Variants in PLCH1 observed in about 807,000 individuals in gnomAD.
PLCH1 encodes the protein phospholipase C eta 1, also known as 1-phosphatidylinositol 4,5-bisphosphate phosphodiesterase eta-1.
A neutral mutation model predicts 126.7 loss-of-function variants in PLCH1; 60 were observed. The ratio of observed to expected loss-of-function variants is 0.47; its 90% CI spans 0.38 to 0.59. PLCH1 has a LOEUF of 0.59. Ranked by LOEUF, PLCH1 falls within the 20% of genes least tolerant of loss-of-function variation. The probability of loss-of-function intolerance (pLI) is 0.00; values close to 1 mark genes in which losing one functional copy is unlikely to be tolerated. For missense variants in PLCH1, 1,723 were observed against 2,040.0 expected, an observed-to-expected ratio of 0.84 and a Z score of 2.99; for synonymous variants, 719 against 734.9, an observed-to-expected ratio of 0.98 and a Z score of 0.35.
intron 12 of PLCH1, among the ~76,000 whole-genome samples, chr3:155,513,732 T>A (rs1719925324): frequency 6.6e-6 from 1 of 152,208 alleles, no homozygotes; most frequent in Admixed American, 6.5e-5. Flanking sequence ...CAGTATTCCA[T>A]CTGCCCCTCT....
chr3:155,586,204 G>C lies in PLCH1; in HGVS notation c.471-10C>G, dbSNP rs1319376482. The C allele has an allele frequency of 6.2e-7, 1 of 1,613,770 alleles. No individual in the cohort carries two copies. The highest frequency in any genetic ancestry group is 1.3e-5 in the African/African-American group (1 of 74,898). On this transcript the variant is annotated splice_polypyrimidine_tract_variant and intron_variant, in intron 4 of 22. Coordinates refer to ENST00000460012, the MANE Select transcript of PLCH1 (RefSeq NM_014996.4). ...GGTCTGCTTCACCCATGTGCAGAAA[G>C]GTCAAAGAAAACACCTGTGCTCTCA...
chr3:155,742,503 C>T (rs1749709328), intron 1 of PLCH1: 1 of 152,136 alleles, frequency 6.6e-6, no homozygotes, highest in African/African-American at 2.4e-5. Context: ...TTGCCTCTCC[C>T]CAGCCTCCCC....
chr3:155,526,370 G>GCTCT (rs576894112), intron 10 of PLCH1, among the ~76,000 whole-genome samples: 4 of 147,304 alleles, frequency 2.7e-5, no homozygotes, highest in Non-Finnish European at 4.5e-5. Flanking sequence ...CTTTCCTGGA[G>GCTCT]CTCTCTCTCT....
intron 1 of PLCH1, among the ~76,000 whole-genome samples, chr3:155,735,830 A>G (rs970516505): frequency 2.0e-5 from 3 of 152,240 alleles, no homozygotes; most frequent in African/African-American, 7.2e-5. Flanking sequence ...TTATATGCTG[A>G]TATATAATGA....
rs181702024 is a variant in PLCH1 at position 155,743,594 on chromosome 3, T to C, written c.-41+1246A>G. On this transcript the variant is annotated intron_variant, in intron 1 of 22. Transcript: ENST00000460012. The stretch of plus-strand genomic sequence containing the variant: ...GAAAACTGGCTTCTGTTAAGGCTTC[T>C]TGAAGCATTCTCTGCAGAAGACTTT... 24 of 446,464 alleles carry C rather than the reference T, an allele frequency of 5.4e-5. No homozygotes were observed. In the East Asian group the frequency reaches 1.5e-3, roughly 29 times the overall value. The allele number at this position is 446,464 out of a possible 1,614,324, so 27.7% of individuals were successfully genotyped here.
intron 8 of PLCH1, among the ~76,000 whole-genome samples, chr3:155,556,728 A>C (rs1726864512): frequency 6.6e-6 from 1 of 152,210 alleles, no homozygotes; most frequent in South Asian, 2.1e-4. Flanking sequence ...GACTGAGGTT[A>C]CCCTTCAAGG....
chr3:155,524,497 AT>A (rs1424448677), intron 10 of PLCH1, among the ~76,000 whole-genome samples: 1 of 152,248 alleles, frequency 6.6e-6, no homozygotes, highest in Non-Finnish European at 1.5e-5. Flanking sequence ...TTTTACTACA[AT>A]TAAAAATCAT....
At chr3:155,679,295 T>C (rs1744325750) in intron 2 of PLCH1, among the ~76,000 whole-genome samples, 1 of 152,228 alleles carries the variant, frequency 6.6e-6, no homozygotes, top group South Asian at 2.1e-4. Context: ...TTTTTCTTGC[T>C]AAATCTGACA....
At chr3:155,505,200 C>A (rs1041562583) in intron 12 of PLCH1, among the ~76,000 whole-genome samples, 1 of 152,096 alleles carries the variant, frequency 6.6e-6, no homozygotes, top group African/African-American at 2.4e-5. Context: ...TTTATGTGTT[C>A]GTTGAAATAA....
chr3:155,737,231 C>CAAAAA (rs557369057), intron 1 of PLCH1, among the ~76,000 whole-genome samples: 1 of 59,532 alleles, frequency 1.7e-5, no homozygotes, highest in African/African-American at 5.7e-5. Context: ...GCCTCCGTCT[C>CAAAAA]AAAAAAAAAA....
At chr3:155,673,299 T>C (rs1577296980) in intron 2 of PLCH1, among the ~76,000 whole-genome samples, 1 of 152,090 alleles carries the variant, frequency 6.6e-6, no homozygotes. Flanking sequence ...ATTACAGTAA[T>C]ATAAGCATGT....
chr3:155,719,335 GA>G (rs1042035129), intron 1 of PLCH1, among the ~76,000 whole-genome samples: 6 of 151,888 alleles, frequency 4.0e-5, no homozygotes, highest in Non-Finnish European at 8.8e-5. Flanking sequence ...TTGGACACAG[GA>G]AGGGGAACAT....
At chr3:155,522,446 A>G (rs1479373493) in intron 11 of PLCH1, among the ~76,000 whole-genome samples, 1 of 152,224 alleles carries the variant, frequency 6.6e-6, no homozygotes, top group Non-Finnish European at 1.5e-5. Context: ...AGAGAAGAAT[A>G]CAGATAGTAA....
At chr3:155,730,099 G>A (rs1213339501) in intron 1 of PLCH1, among the ~76,000 whole-genome samples, 1 of 152,044 alleles carries the variant, frequency 6.6e-6, no homozygotes, top group African/African-American at 2.4e-5. Context: ...AAAGGCAGCA[G>A]AGATGGGTTC....
At chr3:155,719,707 A>G (rs1358773214) in intron 1 of PLCH1, among the ~76,000 whole-genome samples, 1 of 151,930 alleles carries the variant, frequency 6.6e-6, no homozygotes, top group Non-Finnish European at 1.5e-5. Context: ...AAAAAGAATA[A>G]TGTTCTCCAA....
At chr3:155,736,163 T>C (rs1488330213) in intron 1 of PLCH1, among the ~76,000 whole-genome samples, 1 of 152,196 alleles carries the variant, frequency 6.6e-6, no homozygotes, top group Non-Finnish European at 1.5e-5. Context: ...TGACTGAAAC[T>C]TGGAAACTAA....
chr3:155,549,436 C>T (rs1000965502), intron 10 of PLCH1, among the ~76,000 whole-genome samples: 43 of 152,134 alleles, frequency 2.8e-4, no homozygotes, highest in African/African-American at 1.0e-3. Flanking sequence ...GAAAGAACTG[C>T]TTTCAGATAT....
chr3:155,663,563 C>G (rs778016690), intron 2 of PLCH1, among the ~76,000 whole-genome samples: 21 of 152,178 alleles, frequency 1.4e-4, no homozygotes, highest in Non-Finnish European at 2.9e-4. Flanking sequence ...TATCTCCCAG[C>G]AAAACCTTCC....
intron 10 of PLCH1, among the ~76,000 whole-genome samples, chr3:155,544,308 AAAGGGACC>A (rs1724866054): frequency 6.6e-6 from 1 of 152,240 alleles, no homozygotes; most frequent in African/African-American, 2.4e-5. Context: ...ACATAATGGT[AAAGGGACC>A]AATTCAACAA....
Sources: allele counts gnomAD v4.1 joint callset (sites outside exome capture counted in the v4.1 genomes callset), GRCh38; gene constraint gnomAD v4.1.1; transcripts MANE v1.5; gene names NCBI Gene and HGNC (gene_info 2026-07-23, HGNC 2026-07-21).